Variants in PREX1 observed in about 807,000 individuals in gnomAD.
PREX1 encodes phosphatidylinositol 3,4,5-trisphosphate-dependent Rac exchanger 1 protein.
Under a neutral mutation model 198.3 loss-of-function variants are expected in PREX1, and 41 were observed. The ratio of observed to expected loss-of-function variants is 0.21; its 90% CI spans 0.16 to 0.27. PREX1 has a LOEUF of 0.27. Among genes scored for constraint, PREX1 ranks in the 10% least tolerant of loss-of-function variants. The pLI is 1.00. For synonymous variants in PREX1, 843 were observed against 887.2 expected (o/e 0.95, Z 0.89); for missense variants, 1,620 against 2,200.7 (o/e 0.74, Z 5.28).
intron 1 of PREX1, among the ~76,000 whole-genome samples, chr20:48,770,392 C>G (rs950142956): frequency 1.3e-5 from 2 of 152,054 alleles, no homozygotes; most frequent in Non-Finnish European, 1.5e-5. Flanking sequence ...CAGGGAGGAC[C>G]CTGAGCATGA....
the PREX1 span, among the ~76,000 whole-genome samples, chr20:48,852,157 A>T: frequency 6.6e-6 from 1 of 151,930 alleles, no homozygotes; most frequent in East Asian, 1.9e-4. Flanking sequence ...TCCTGGATGG[A>T]GAGTTAAAGA....
chr20:48,658,564 G>A (rs1437876618), intron 16 of PREX1, among the ~76,000 whole-genome samples: 1 of 152,218 alleles, frequency 6.6e-6, no homozygotes, highest in African/African-American at 2.4e-5. Flanking sequence ...GGGATACAGG[G>A]AAAGGCACTC....
At chr20:48,805,407 C>T (rs1467978504) in intron 1 of PREX1, among the ~76,000 whole-genome samples, 2 of 152,372 alleles carry the variant, frequency 1.3e-5, no homozygotes, top group East Asian at 1.9e-4. Context: ...GCAGACACCA[C>T]GTGCTCTCTG....
intron 1 of PREX1, among the ~76,000 whole-genome samples, chr20:48,765,521 A>C (rs1361065564): frequency 1.3e-5 from 2 of 152,196 alleles, no homozygotes; most frequent in South Asian, 4.1e-4. Context: ...TGCAACACAT[A>C]TTAAGTGCTT....
intron 7 of PREX1, among the ~76,000 whole-genome samples, chr20:48,699,198 G>T (rs1220352046): frequency 4.6e-5 from 7 of 152,170 alleles, no homozygotes. Context: ...ACGGTCAGTG[G>T]CATGGCCTAG....
chr20:48,863,397 A>G, the PREX1 span, among the ~76,000 whole-genome samples: 1 of 152,040 alleles, frequency 6.6e-6, no homozygotes, highest in South Asian at 2.1e-4. Context: ...TATTAGGTAG[A>G]ATAGTTTCAC....
At chr20:48,883,864 G>A in the PREX1 span, among the ~76,000 whole-genome samples, 18 of 152,156 alleles carry the variant, frequency 1.2e-4, no homozygotes, top group East Asian at 1.7e-3. Flanking sequence ...GCTGGGGCCG[G>A]GCGCAGTGGC....
intron 5 of PREX1, among the ~76,000 whole-genome samples, chr20:48,724,921 G>A (rs1281492073): frequency 2.0e-5 from 3 of 152,220 alleles, no homozygotes; most frequent in Non-Finnish European, 4.4e-5. Context: ...TCTAGGGATC[G>A]AAGCCATGGC....
chr20:48,653,096 A>G (rs554128615), intron 20 of PREX1, among the ~76,000 whole-genome samples: 2 of 152,154 alleles, frequency 1.3e-5, no homozygotes, highest in Admixed American at 6.5e-5. Context: ...CAACATGCCT[A>G]TGTGGTGAGG....
the PREX1 span, among the ~76,000 whole-genome samples, chr20:48,871,068 C>T: frequency 2.9e-4 from 2 of 6,998 alleles, no homozygotes; most frequent in African/African-American, 1.6e-3. Context: ...CAACCTCCTG[C>T]AAGCTGTATG....
At chr20:48,678,224 G>A (rs1263837387) in intron 13 of PREX1, among the ~76,000 whole-genome samples, 1 of 151,916 alleles carries the variant, frequency 6.6e-6, no homozygotes, top group Non-Finnish European at 1.5e-5. Context: ...TGAGGCATGA[G>A]AATCACTTGA....
chr20:48,760,584 G>GT (rs1484327430), intron 1 of PREX1, among the ~76,000 whole-genome samples: 2 of 152,134 alleles, frequency 1.3e-5, no homozygotes, highest in Non-Finnish European at 2.9e-5. Flanking sequence ...TGATGCAGGT[G>GT]AACACTTTGT....
At chr20:48,716,861 G>A (rs997386570) in intron 5 of PREX1, among the ~76,000 whole-genome samples, 2 of 152,050 alleles carry the variant, frequency 1.3e-5, no homozygotes, top group African/African-American at 4.8e-5. Context: ...GACCAACGAC[G>A]CCACTGTAAG....
At chr20:48,701,448 A>G (rs1568830823) in intron 6 of PREX1, among the ~76,000 whole-genome samples, 3 of 152,148 alleles carry the variant, frequency 2.0e-5, no homozygotes, top group Admixed American at 6.5e-5. Context: ...TCCTGACCTC[A>G]GGTGATCCAA....
Position 48,634,657 on chromosome 20 carries a change from G to T in PREX1, c.4267+19C>A, listed in dbSNP as rs1485675915. The T allele has an allele frequency of 6.2e-7, 1 of 1,610,890 alleles. No homozygotes were observed. The highest frequency in any genetic ancestry group is 8.5e-7 in the Non-Finnish European group (1 of 1,177,196). ...CAGGACCCCACCTCTCACAGTGGGG[G>T]ATGGGAGAAATCACTCACTGGCCAC... On this transcript the variant is annotated intron_variant, in intron 33 of 39. Coordinates refer to ENST00000371941, the MANE Select transcript of PREX1 (RefSeq NM_020820.4).
Position 48,691,116 on chromosome 20 carries a change from AAG to A in PREX1, c.1037-22_1037-21del. 1 of 1,614,064 alleles carries A rather than the reference AAG, an allele frequency of 6.2e-7. No homozygotes were observed. Among genetic ancestry groups the A allele is most frequent in the Non-Finnish European group, 8.5e-7 (1 of 1,179,964 alleles). On this transcript the variant is annotated intron_variant, in intron 8 of 39. Coordinates refer to ENST00000371941, the MANE Select transcript of PREX1 (RefSeq NM_020820.4). This position sits in a 1 kb window ranked among gnomAD's most constrained non-coding sequence, Gnocchi z 5.0. ...AATCCGCTGGTGGGGGCAGGAGGCA[AAG>A]GTGCAGCAGAGACTCAGCCGCGTGA...
chr20:48,625,529 C>T lies in PREX1; in HGVS notation c.*356G>A, dbSNP rs1016542424. On this transcript the variant is annotated 3_prime_UTR_variant, in exon 40 of 40. Transcript: ENST00000371941. ...GTTTCAAAAGTGCAGGCGGAGCCAT[C>T]CCGAGGGAGCCGGGTGGCCCCATGT... 3 of 256,542 alleles carry T rather than the reference C, an allele frequency of 1.2e-5. No homozygotes were observed. Among genetic ancestry groups the T allele is most frequent in the South Asian group, 8.1e-5 (1 of 12,334 alleles). The allele number at this position is 256,542 out of a possible 1,614,324, so 15.9% of individuals were successfully genotyped here. A position where few individuals can be genotyped will look rare whatever the true frequency, so the allele number is the denominator to read the frequency against.
chr20:48,721,900 G>A (rs1429838130), intron 5 of PREX1, among the ~76,000 whole-genome samples: 1 of 151,614 alleles, frequency 6.6e-6, no homozygotes, highest in Non-Finnish European at 1.5e-5. Flanking sequence ...GACACCAAAT[G>A]TAATCCCAAG....
intron 1 of PREX1, 83 bp from the exon 2 acceptor site, chr20:48,747,963 A>T: frequency 7.9e-7 from 1 of 1,268,744 alleles, no homozygotes; most frequent in Non-Finnish European, 1.1e-6. Context: ...CTCAAGTTCA[A>T]ATGCCAACTA....
Sources: gnomAD v4.1 joint callset for allele counts (sites outside exome capture counted in the v4.1 genomes callset) on GRCh38, gnomAD v4.1.1 for gene constraint, Gnocchi (gnomAD v3.1) non-coding constraint, MANE v1.5 for transcripts, NCBI Gene and HGNC (gene_info 2026-07-23, HGNC 2026-07-21) for gene names.